The following HERC1 variants were observed in gnomAD, a reference collection of about 807,000 sequenced individuals.
The protein encoded by HERC1 is probable E3 ubiquitin-protein ligase HERC1.
In HERC1, 160 loss-of-function variants were observed where a neutral mutation model predicts 554.3. That is an observed-to-expected ratio of 0.29 (90% CI 0.25 to 0.33). The LOEUF (loss-of-function observed/expected upper bound fraction) is 0.33. Ranked by LOEUF, HERC1 falls within the 10% of genes least tolerant of loss-of-function variation. The pLI is 1.00. For synonymous variants in HERC1, 2,175 were observed against 2,131.7 expected, an observed-to-expected ratio of 1.02 and a Z score of -0.56; for missense variants, 4,919 against 5,918.5, an observed-to-expected ratio of 0.83 and a Z score of 5.54.
At chr15:63,729,688 T>G in intron 14 of HERC1, 39 bp from the exon 15 acceptor site, 1 of 1,601,948 alleles carries the variant, frequency 6.2e-7, no homozygotes, top group Non-Finnish European at 8.5e-7. Flanking sequence ...TTTGAAGTGC[T>G]TGAAACTGAA....
chr15:63,790,031 C>T (rs534221620), intron 1 of HERC1, among the ~76,000 whole-genome samples: 1 of 152,096 alleles, frequency 6.6e-6, no homozygotes, highest in African/African-American at 2.4e-5. Context: ...TAGGCTATAC[C>T]ATTTACTAGC....
chr15:63,670,313 G>A (rs1035226154), intron 39 of HERC1, among the ~76,000 whole-genome samples: 4 of 152,128 alleles, frequency 2.6e-5, no homozygotes, highest in African/African-American at 4.8e-5. Context: ...GGTATTGGAG[G>A]GAGAACCCCT....
intron 1 of HERC1, among the ~76,000 whole-genome samples, chr15:63,802,036 AATC>A (rs1162421521): frequency 1.3e-5 from 2 of 152,158 alleles, no homozygotes; most frequent in African/African-American, 2.4e-5. Flanking sequence ...GTACTTAGAG[AATC>A]ATAAGAGAAA....
chr15:63,731,622 G>A (rs2074296313), intron 14 of HERC1, among the ~76,000 whole-genome samples: 1 of 152,162 alleles, frequency 6.6e-6, no homozygotes, highest in Non-Finnish European at 1.5e-5. Flanking sequence ...TAGGAAGAAT[G>A]TTCACTCTGA....
At chr15:63,724,885 G>T (rs1024215843) in intron 18 of HERC1, among the ~76,000 whole-genome samples, 9 of 152,324 alleles carry the variant, frequency 5.9e-5, no homozygotes, top group Middle Eastern at 3.4e-3. Flanking sequence ...AAGACAGGCT[G>T]GGAGGAAAAG....
intron 55 of HERC1, among the ~76,000 whole-genome samples, chr15:63,646,933 A>G (rs145253016): frequency 0.012 from 1,860 of 152,228 alleles, 38 homozygotes; most frequent in African/African-American, 0.043. Flanking sequence ...AATGCTCAAC[A>G]TCACTAATCA....
chr15:63,632,670 T>C, intron 68 of HERC1, 39 bp downstream of exon 68: 2 of 1,300,750 alleles, frequency 1.5e-6, no homozygotes, highest in Non-Finnish European at 2.2e-6. Context: ...ATGTTTATAA[T>C]GATGTGTACC....
chr15:63,640,405 T>A lies in HERC1; in HGVS notation c.11648A>T (p.Tyr3883Phe), dbSNP rs751211518. The A allele has an allele frequency of 6.2e-7, 1 of 1,613,672 alleles. No homozygotes were observed. The highest frequency in any genetic ancestry group is 1.3e-5 in the African/African-American group (1 of 74,902). ...VCGDQLVHSP[Y>F]MQCLASLAVG... Reference sequence around the variant, plus strand: ...AGCAAGGGAAGCCAAGCATTGCATATAGGGGCTATGAACAAGTTGGTCACC... The same window carrying A: ...AGCAAGGGAAGCCAAGCATTGCATAAAGGGGCTATGAACAAGTTGGTCACC... Residue 3883 changes from tyrosine to phenylalanine, a missense_variant, in exon 61 of 78, where the codon TAT (tyrosine) becomes TTT (phenylalanine). Tyr to Phe is a conservative substitution (Grantham distance 22, BLOSUM62 3). Transcript: ENST00000443617.
At chr15:63,726,897 TATC>T (rs552999543) in intron 17 of HERC1, among the ~76,000 whole-genome samples, 94 of 152,028 alleles carry the variant, frequency 6.2e-4, no homozygotes, top group African/African-American at 2.1e-3. Context: ...TATAGAAAAA[TATC>T]AGTTATAAAC....
intron 1 of HERC1, among the ~76,000 whole-genome samples, chr15:63,807,991 T>C (rs2077185268): frequency 6.6e-6 from 1 of 152,144 alleles, no homozygotes; most frequent in Non-Finnish European, 1.5e-5. Context: ...AAATAAATAT[T>C]AGTTGTTACC....
chr15:63,610,049 T>A (rs2067520738), intron 77 of HERC1, among the ~76,000 whole-genome samples: 1 of 152,154 alleles, frequency 6.6e-6, no homozygotes, highest in Non-Finnish European at 1.5e-5. Flanking sequence ...CTATCCCTCC[T>A]TGCAAACATA....
chr15:63,746,772 C>T (rs2075070045), intron 12 of HERC1, 146 bp downstream of exon 12: 4 of 693,252 alleles, frequency 5.8e-6, no homozygotes, highest in African/African-American at 3.6e-5. Flanking sequence ...GATGAGTTAA[C>T]CAAAAATACT....
intron 1 of HERC1, among the ~76,000 whole-genome samples, chr15:63,804,267 C>T (rs2077071288): frequency 1.3e-5 from 2 of 152,162 alleles, no homozygotes; most frequent in South Asian, 4.1e-4. Context: ...TAGACCTGAT[C>T]TAAATTAAAA....
chr15:63,797,540 T>C (rs1325116662), intron 1 of HERC1, among the ~76,000 whole-genome samples: 2 of 152,182 alleles, frequency 1.3e-5, no homozygotes, highest in Non-Finnish European at 2.9e-5. Flanking sequence ...CATTTTTTTT[T>C]CCCTGACCAA....
intron 69 of HERC1, among the ~76,000 whole-genome samples, 175 bp downstream of exon 69, chr15:63,630,291 G>A (rs781245199): frequency 2.0e-5 from 3 of 152,140 alleles, no homozygotes; most frequent in Non-Finnish European, 4.4e-5. Flanking sequence ...TTCTTTGGCC[G>A]CAGTCGAGAG....
At chr15:63,821,379 C>A (rs920263095) in intron 1 of HERC1, among the ~76,000 whole-genome samples, 1 of 151,614 alleles carries the variant, frequency 6.6e-6, no homozygotes, top group Admixed American at 6.6e-5. Context: ...ATAGCAAAAC[C>A]CCATCTCTAC....
chr15:63,623,182 A>G (rs2068160949), intron 73 of HERC1, among the ~76,000 whole-genome samples: 1 of 152,212 alleles, frequency 6.6e-6, no homozygotes, highest in South Asian at 2.1e-4. Context: ...TCGAATCAGT[A>G]ATGATAGCCA....
chr15:63,646,068 C>A (rs1346191278), intron 55 of HERC1, among the ~76,000 whole-genome samples: 1 of 152,142 alleles, frequency 6.6e-6, no homozygotes, highest in African/African-American at 2.4e-5. Flanking sequence ...CCTTACATCC[C>A]AATAGCAAAC....
intron 27 of HERC1, among the ~76,000 whole-genome samples, chr15:63,695,383 C>CTTTTTTTT (rs35039072): frequency 9.7e-6 from 1 of 103,306 alleles, no homozygotes; most frequent in East Asian, 2.2e-4. Context: ...TCTGTATAAT[C>CTTTTTTTT]TTTTTTTTTT....
Sources: gnomAD v4.1 joint callset for allele counts (sites outside exome capture counted in the v4.1 genomes callset) on GRCh38, gnomAD v4.1.1 for gene constraint, MANE v1.5 for transcripts, NCBI Gene and HGNC (gene_info 2026-07-23, HGNC 2026-07-21) for gene names.